MTUS2: variants seen among roughly 807,000 people sequenced by gnomAD.
MTUS2 encodes microtubule-associated tumor suppressor candidate 2.
Under a neutral mutation model 114.1 loss-of-function variants are expected in MTUS2, and 40 were observed. The observed-to-expected ratio is 0.35, with a 90% CI of 0.27 to 0.46. MTUS2 has a LOEUF of 0.46. MTUS2 is among the 20% of genes least tolerant of loss of function. MTUS2 has a pLI of 1.00. For synonymous variants in MTUS2, 688 were observed against 672.0 expected, an observed-to-expected ratio of 1.02 and a Z score of -0.37; for missense variants, 1,679 against 1,705.4, an observed-to-expected ratio of 0.98 and a Z score of 0.27.
intron 4 of MTUS2, 127 bp downstream of exon 4, chr13:29,034,252 A>T: frequency 7.9e-7 from 1 of 1,260,836 alleles, no homozygotes; most frequent in Middle Eastern, 1.9e-4. Context: ...CTGTTCTTCC[A>T]TATGTCTGTA....
chr13:29,210,208 G>A (rs1895366208), intron 5 of MTUS2, among the ~76,000 whole-genome samples: 1 of 151,894 alleles, frequency 6.6e-6, no homozygotes. Flanking sequence ...CTGCTTGTTT[G>A]ATTCTGTTGT....
intron 2 of MTUS2, among the ~76,000 whole-genome samples, chr13:29,017,892 A>T (rs1886132686): frequency 6.6e-6 from 1 of 152,226 alleles, no homozygotes; most frequent in African/African-American, 2.4e-5. Flanking sequence ...AATAAGACAC[A>T]TGTAACGATA....
chr13:28,999,345 AC>A (rs1885275335), intron 2 of MTUS2, among the ~76,000 whole-genome samples: 1 of 152,162 alleles, frequency 6.6e-6, no homozygotes, highest in Non-Finnish European at 1.5e-5. Context: ...TCAGGGACCC[AC>A]TTGAGGAGGC....
intron 1 of MTUS2, among the ~76,000 whole-genome samples, chr13:28,832,872 A>G (rs886730287): frequency 6.6e-5 from 10 of 151,896 alleles, no homozygotes; most frequent in African/African-American, 2.4e-4. Context: ...AGAATCAGTT[A>G]TTAAAATCAG....
Position 29,024,987 on chromosome 13 carries a change from G to T in MTUS2, c.289G>T (p.Asp97Tyr). 1 of 1,613,378 alleles carries T rather than the reference G, an allele frequency of 6.2e-7. No individual in the cohort carries two copies. The highest frequency in any genetic ancestry group is 8.5e-7 in the Non-Finnish European group (1 of 1,179,780). ...TCAGGCTGGCTCTGCCAGCCTGAAA[G>T]ATTTTAGACTTTCTTCAACCATTCA... ...GSQAGSASLK[D>Y]FRLSSTIQRE... The change falls in exon 3 of 16, where the codon GAT becomes TAT. Residue 97 changes from aspartate (D) to tyrosine (Y), a missense_variant. Asp to Tyr is a radical substitution (Grantham distance 160). Around this residue, in one of 3 missense-constraint regions of MTUS2, gnomAD observed 843 missense variants for 770.8 expected, o/e 1.09. Transcript: ENST00000612955.
At chr13:28,951,132 G>A (rs1241818529) in intron 2 of MTUS2, among the ~76,000 whole-genome samples, 1 of 152,082 alleles carries the variant, frequency 6.6e-6, no homozygotes, top group Non-Finnish European at 1.5e-5. Context: ...AAAATCAGCT[G>A]CATTTCTGTA....
intron 2 of MTUS2, among the ~76,000 whole-genome samples, chr13:29,011,397 A>G (rs1885839521): frequency 6.6e-6 from 1 of 152,218 alleles, no homozygotes. Flanking sequence ...ATTCAAACGC[A>G]CATCAACATG....
chr13:29,348,738 T>A (rs1475655213), intron 7 of MTUS2, among the ~76,000 whole-genome samples: 10 of 152,248 alleles, frequency 6.6e-5, no homozygotes, highest in African/African-American at 1.9e-4. Context: ...TGAAGCTCTG[T>A]AAGGTATATA....
At chr13:29,266,586 T>C (rs2139484291) in intron 5 of MTUS2, among the ~76,000 whole-genome samples, 1 of 152,236 alleles carries the variant, frequency 6.6e-6, no homozygotes, top group East Asian at 1.9e-4. Flanking sequence ...CATATTGTTT[T>C]CAAAAATTTT....
At chr13:29,190,854 A>T (rs1234434130) in intron 5 of MTUS2, among the ~76,000 whole-genome samples, 1 of 152,134 alleles carries the variant, frequency 6.6e-6, no homozygotes, top group African/African-American at 2.4e-5. Flanking sequence ...CCTGACGTTC[A>T]CTGTGACCTA....
At chr13:28,978,962 CT>C (rs2138285779) in intron 2 of MTUS2, among the ~76,000 whole-genome samples, 1 of 152,310 alleles carries the variant, frequency 6.6e-6, no homozygotes, top group Admixed American at 6.5e-5. Context: ...AAATGACTGT[CT>C]CTGCATAGGG....
chr13:28,973,156 A>G (rs926553959), intron 2 of MTUS2, among the ~76,000 whole-genome samples: 3 of 152,164 alleles, frequency 2.0e-5, no homozygotes, highest in Admixed American at 1.3e-4. Context: ...AGCCTGCTCT[A>G]TGATATGAAT....
chr13:28,859,922 C>T (rs970214563), intron 2 of MTUS2, among the ~76,000 whole-genome samples: 1 of 152,152 alleles, frequency 6.6e-6, no homozygotes, highest in African/African-American at 2.4e-5. Context: ...CAGAATTAAT[C>T]TTACTGATCA....
chr13:28,991,764 C>CT (rs1378408039), intron 2 of MTUS2, among the ~76,000 whole-genome samples: 9 of 152,138 alleles, frequency 5.9e-5, no homozygotes, highest in Non-Finnish European at 1.3e-4. Context: ...ACTTCTTATC[C>CT]TTTTTCCCTC....
chr13:29,348,360 G>A (rs9508398), intron 7 of MTUS2, among the ~76,000 whole-genome samples: 110,446 of 151,464 alleles, frequency 0.73, 44,347 homozygotes, highest in East Asian at 0.9. Flanking sequence ...TCAGCAAAGT[G>A]CAAGGCTTTT....
intron 8 of MTUS2, among the ~76,000 whole-genome samples, chr13:29,435,567 T>C (rs60100587): frequency 0.022 from 3,348 of 152,294 alleles, 125 homozygotes; most frequent in African/African-American, 0.075. Flanking sequence ...TGGATTCTGT[T>C]GAACCTTGAT....
chr13:28,861,226 T>C (rs1251095869), intron 2 of MTUS2, among the ~76,000 whole-genome samples: 2 of 152,196 alleles, frequency 1.3e-5, no homozygotes, highest in African/African-American at 2.4e-5. Flanking sequence ...AAAATGTTCG[T>C]GTGAGAGTAT....
At chr13:28,906,682 G>T (rs1219258313) in intron 2 of MTUS2, among the ~76,000 whole-genome samples, 1 of 151,548 alleles carries the variant, frequency 6.6e-6, no homozygotes, top group Non-Finnish European at 1.5e-5. Flanking sequence ...CAACTATGTG[G>T]TCAATTTTGG....
intron 5 of MTUS2, among the ~76,000 whole-genome samples, chr13:29,216,881 G>A (rs903079964): frequency 6.6e-6 from 1 of 152,150 alleles, no homozygotes; most frequent in East Asian, 1.9e-4. Context: ...CAGTGCACAA[G>A]AGTTTCAGTT....
Sources: gnomAD v4.1 joint callset for allele counts (sites outside exome capture counted in the v4.1 genomes callset) on GRCh38, gnomAD v4.1.1 for gene constraint, gnomAD v4.1.1 regional missense constraint, MANE v1.5 for transcripts, NCBI Gene and HGNC (gene_info 2026-07-23, HGNC 2026-07-21) for gene names.